The following TPX2 variants were observed in gnomAD, a reference collection of about 807,000 sequenced individuals.
TPX2 encodes TPX2 microtubule nucleation factor.
Under a neutral mutation model 93.6 loss-of-function variants are expected in TPX2, and 21 were observed. The observed-to-expected ratio is 0.22, with a 90% CI of 0.16 to 0.32. The LOEUF (loss-of-function observed/expected upper bound fraction) is 0.32, where lower values mean the gene tolerates loss of function less well. Among genes scored for constraint, TPX2 ranks in the 10% least tolerant of loss-of-function variants. TPX2 has a pLI of 1.00. For missense variants in TPX2, 776 were observed against 871.1 expected (o/e 0.89, Z 1.37); for synonymous variants, 281 against 298.3 (o/e 0.94, Z 0.60).
rs377319773 is a variant in TPX2 at position 31,783,918 on chromosome 20, T to C, written c.1410T>C (p.Val470=). 1.2e-6 allele frequency: 2 copies of C among 1,613,498 alleles called. No homozygotes were observed. The highest frequency in any genetic ancestry group is 1.7e-6 in the Non-Finnish European group (2 of 1,179,900). ...RPCPTKILED[V]VGVPEKKVLP... ...GCCCTACTAAGATTTTGGAAGATGT[T>C]GTGGTAAGGTTGAGGCTATGTGTGC... Residue 470 remains valine (V), a synonymous_variant, in exon 12 of 18, where the codon GTT becomes GTC. Coordinates refer to ENST00000300403, the MANE Select transcript of TPX2 (RefSeq NM_012112.5).
intron 2 of TPX2, among the ~76,000 whole-genome samples, chr20:31,751,270 G>T (rs2061817846): frequency 6.6e-6 from 1 of 152,180 alleles, no homozygotes; most frequent in Admixed American, 6.5e-5. Context: ...AAGTGGGGTT[G>T]CTGCATGTTA....
chr20:31,778,884 T>C lies in TPX2; in HGVS notation c.954T>C (p.Asp318=), dbSNP rs751518856. 6.2e-7 allele frequency: 1 copy of C among 1,612,918 alleles called. No individual in the cohort carries two copies. The highest frequency in any genetic ancestry group is 1.7e-5 in the Admixed American group (1 of 59,524). Residue 318 remains aspartate, a synonymous_variant, in exon 10 of 18, where the codon GAT becomes GAC. Coordinates refer to ENST00000300403, the MANE Select transcript of TPX2 (RefSeq NM_012112.5). The stretch of plus-strand genomic sequence containing the variant: ...CCCAAGGAAAGAAAAGAACATTTGA[T>C]GAAACAGTTTCTACATATGTGCCCC... The part of the protein sequence containing the change: ...NLSQGKKRTF[D]ETVSTYVPLA...
chr20:31,766,725 T>C (rs2061929431), intron 5 of TPX2, 43 bp downstream of exon 5: 2 of 1,593,694 alleles, frequency 1.3e-6, no homozygotes, highest in African/African-American at 2.7e-5. Flanking sequence ...GATAATAATG[T>C]TCAAAGGATA....
intron 7 of TPX2, among the ~76,000 whole-genome samples, chr20:31,774,052 A>G (rs1051434489): frequency 1.3e-5 from 2 of 151,972 alleles, no homozygotes; most frequent in Non-Finnish European, 2.9e-5. Context: ...TTGTATGTTT[A>G]GTAGAGATGG....
chr20:31,781,548 AG>A (rs997823608), intron 10 of TPX2, among the ~76,000 whole-genome samples: 1 of 151,380 alleles, frequency 6.6e-6, no homozygotes, highest in African/African-American at 2.4e-5. Context: ...TACAGGCGTG[AG>A]CCACTGTGAC....
chr20:31,757,948 A>G (rs1356516547), intron 3 of TPX2, among the ~76,000 whole-genome samples: 2 of 152,054 alleles, frequency 1.3e-5, no homozygotes, highest in Non-Finnish European at 1.5e-5. Flanking sequence ...CACAGCTAGG[A>G]TATTGACATT....
At chr20:31,768,402 ATTT>A (rs71272861) in intron 5 of TPX2, among the ~76,000 whole-genome samples, 1 of 140,344 alleles carries the variant, frequency 7.1e-6, no homozygotes, top group Non-Finnish European at 1.5e-5. Context: ...CGCGCGGCTA[ATTT>A]TTTTTTTTTT....
At chr20:31,762,554 C>T (rs528363632) in intron 4 of TPX2, among the ~76,000 whole-genome samples, 29 of 151,982 alleles carry the variant, frequency 1.9e-4, no homozygotes, top group African/African-American at 6.0e-4. Context: ...TTCGTGATGT[C>T]GGTCAGGCTG....
intron 12 of TPX2, among the ~76,000 whole-genome samples, chr20:31,789,758 C>G (rs1233340654): frequency 2.0e-5 from 3 of 152,068 alleles, no homozygotes; most frequent in Non-Finnish European, 4.4e-5. Flanking sequence ...CATAAATCAT[C>G]TTTTCCTCTC....
At chr20:31,787,865 C>T (rs2062076604) in intron 12 of TPX2, among the ~76,000 whole-genome samples, 1 of 152,126 alleles carries the variant, frequency 6.6e-6, no homozygotes, top group African/African-American at 2.4e-5. Context: ...GATAAGCTAT[C>T]AATTTATATT....
At chr20:31,791,249 T>C (rs937695119) in intron 12 of TPX2, among the ~76,000 whole-genome samples, 1 of 152,156 alleles carries the variant, frequency 6.6e-6, no homozygotes, top group Non-Finnish European at 1.5e-5. Context: ...GAATTTGTTA[T>C]GCTGTTGTAG....
intron 11 of TPX2, among the ~76,000 whole-genome samples, chr20:31,782,628 C>G (rs1266708740): frequency 2.0e-5 from 3 of 152,016 alleles, no homozygotes; most frequent in African/African-American, 7.2e-5. Context: ...TGGTTCACAC[C>G]TGTAATCCCA....
chr20:31,773,206 CA>C, intron 7 of TPX2, among the ~76,000 whole-genome samples: 1 of 143,412 alleles, frequency 7.0e-6, no homozygotes, highest in Admixed American at 7.4e-5. Flanking sequence ...GGCTGGAATG[CA>C]GTGGCACGAT....
chr20:31,769,165 C>T (rs2061947702), intron 5 of TPX2, among the ~76,000 whole-genome samples: 1 of 151,726 alleles, frequency 6.6e-6, no homozygotes, highest in African/African-American at 2.4e-5. Flanking sequence ...TGTAACTAAC[C>T]TGCCCATTGT....
chr20:31,765,314 CAA>C (rs796500792), intron 4 of TPX2, among the ~76,000 whole-genome samples: 37 of 53,642 alleles, frequency 6.9e-4, no homozygotes, highest in Non-Finnish European at 1.0e-3. Context: ...TATTGAAAAG[CAA>C]AAAAAAAAAA....
intron 14 of TPX2, 50 bp downstream of exon 14, chr20:31,794,074 C>G (rs2062119982): frequency 2.6e-6 from 4 of 1,523,640 alleles, no homozygotes; most frequent in Non-Finnish European, 3.5e-6. Flanking sequence ...TTTGATCCCT[C>G]AAAGACAGTT....
chr20:31,746,668 T>A (rs2061785114), intron 2 of TPX2, among the ~76,000 whole-genome samples: 1 of 152,216 alleles, frequency 6.6e-6, no homozygotes, highest in Non-Finnish European at 1.5e-5. Flanking sequence ...GTCCCCTATT[T>A]CACCCTGCTT....
chr20:31,798,948 G>A (rs1012293076), intron 17 of TPX2, among the ~76,000 whole-genome samples: 7 of 152,188 alleles, frequency 4.6e-5, no homozygotes, highest in African/African-American at 1.7e-4. Context: ...TCCTAGGACT[G>A]TTTTTTATTT....
Position 31,777,619 on chromosome 20 carries a change from G to A in TPX2, c.863G>A (p.Arg288Gln), listed in dbSNP as rs746496077. Reference sequence around the variant, plus strand: ...GAAGTGAACTTTACATCTGAACTACGAAAGCATCCTTCATCTCCTGTAAGT... The same window carrying A: ...GAAGTGAACTTTACATCTGAACTACAAAAGCATCCTTCATCTCCTGTAAGT... The part of the protein sequence containing the change: ...YKEVNFTSEL[R>Q]KHPSSPARVT... The change falls in exon 9 of 18, where the codon CGA becomes CAA. Residue 288 changes from arginine to glutamine, a missense_variant. Transcript: ENST00000300403. 15 of 1,613,676 alleles carry A rather than the reference G, an allele frequency of 9.3e-6. No homozygotes were observed. The African/African-American group carries it at 1.6e-4, about 17-fold the overall frequency.
Sources: gnomAD v4.1 joint callset for allele counts (sites outside exome capture counted in the v4.1 genomes callset) on GRCh38, gnomAD v4.1.1 for gene constraint, MANE v1.5 for transcripts, NCBI Gene and HGNC (gene_info 2026-07-23, HGNC 2026-07-21) for gene names.